Variants in RPH3A observed in about 807,000 individuals in gnomAD.
RPH3A encodes the protein rabphilin 3A.
A neutral mutation model predicts 102.2 loss-of-function variants in RPH3A; 48 were observed. That is an observed-to-expected ratio of 0.47 (90% CI 0.37 to 0.60). The LOEUF is 0.60. RPH3A is among the 20% of genes least tolerant of loss of function. The pLI, the probability that RPH3A is intolerant of heterozygous loss-of-function variation, is 0.00. For missense variants in RPH3A, 781 were observed against 910.1 expected, an observed-to-expected ratio of 0.86 and a Z score of 1.83; for synonymous variants, 310 against 324.3, an observed-to-expected ratio of 0.96 and a Z score of 0.47.
chr12:112,785,831 G>T (rs1427853622), intron 1 of RPH3A, among the ~76,000 whole-genome samples: 2 of 152,134 alleles, frequency 1.3e-5, no homozygotes, highest in African/African-American at 2.4e-5. Context: ...CTCTGCTGTT[G>T]CTGTCCTTTT....
chr12:112,668,114 G>A (rs1235912771), intron 1 of RPH3A, among the ~76,000 whole-genome samples: 1 of 152,224 alleles, frequency 6.6e-6, no homozygotes, highest in Non-Finnish European at 1.5e-5. Flanking sequence ...ATACATTCGT[G>A]TGATTATTTA....
intron 1 of RPH3A, among the ~76,000 whole-genome samples, chr12:112,738,775 C>T (rs1053180239): frequency 2.0e-5 from 3 of 152,162 alleles, no homozygotes; most frequent in African/African-American, 7.2e-5. Context: ...GAACTTGTGC[C>T]CATATCATAC....
In RPH3A at chr12:112,647,605, ATGTGTG is replaced by A. The variant is rs34686040; in HGVS notation, c.-140+72302_-140+72307del. On this transcript the variant is annotated intron_variant, in intron 1 of 21. Transcript: ENST00000543106. Reference sequence around the variant, plus strand: ...GGCTAGAGAGGGTGTGTGTGTGTGTATGTGTGTGTGTGTGTGTGTGTTGCTTTAGGT... The same window carrying A: ...GGCTAGAGAGGGTGTGTGTGTGTGTATGTGTGTGTGTGTGTTGCTTTAGGT... Among the ~76,000 whole-genome samples, 28 of 149,692 alleles carry A rather than the reference ATGTGTG, an allele frequency of 1.9e-4. 1 individual carries two copies. Among genetic ancestry groups the A allele is most frequent in the Admixed American group, 1.3e-3 (20 of 15,020 alleles).
chr12:112,583,507 AG>A (rs113982512), intron 1 of RPH3A, among the ~76,000 whole-genome samples: 16,846 of 152,082 alleles, frequency 0.11, 1,096 homozygotes, highest in South Asian at 0.34. Context: ...ATAGAAGAAA[AG>A]GAGGAGATTG....
intron 10 of RPH3A, among the ~76,000 whole-genome samples, chr12:112,870,829 C>A (rs1006781957): frequency 1.3e-5 from 2 of 152,176 alleles, no homozygotes; most frequent in African/African-American, 4.8e-5. Context: ...CGACAATGAA[C>A]CTATGGTTCA....
chr12:112,592,279 TTAAAA>T (rs1163695399), intron 1 of RPH3A, among the ~76,000 whole-genome samples: 7 of 152,156 alleles, frequency 4.6e-5, no homozygotes, highest in African/African-American at 1.4e-4. Flanking sequence ...TAGATTAAAA[TTAAAA>T]TAAAATAGTT....
At chr12:112,717,443 G>A (rs2136040270) in intron 1 of RPH3A, among the ~76,000 whole-genome samples, 1 of 152,016 alleles carries the variant, frequency 6.6e-6, no homozygotes, top group East Asian at 1.9e-4. Flanking sequence ...TACGGTTTTT[G>A]CCATTACTTT....
At chr12:112,755,296 T>TACACAC (rs1323813333) in intron 1 of RPH3A, among the ~76,000 whole-genome samples, 18 of 95,220 alleles carry the variant, frequency 1.9e-4, no homozygotes, top group African/African-American at 8.4e-4. Flanking sequence ...TATATATGTA[T>TACACAC]ATACACACAC....
At chr12:112,782,682 T>C (rs2041017931) in intron 1 of RPH3A, among the ~76,000 whole-genome samples, 1 of 152,240 alleles carries the variant, frequency 6.6e-6, no homozygotes, top group South Asian at 2.1e-4. Context: ...AGTCATCTTT[T>C]CTATTTCTCC....
chr12:112,710,526 T>C lies in RPH3A; in HGVS notation c.-139-81617T>C, dbSNP rs1300794772. On this transcript the variant is annotated intron_variant, in intron 1 of 21. Coordinates refer to the RPH3A transcript ENST00000543106. ...CCACAGCACTCTGGCCTCTGCCAGT[T>C]CCCTTTCAGGCCCAATCATATTTGT... Among the ~76,000 whole-genome samples, 4 of 152,178 alleles carry C rather than the reference T, an allele frequency of 2.6e-5. No individual in the cohort carries two copies. The East Asian group carries it at 7.7e-4, about 29-fold the overall frequency.
At chr12:112,723,477 C>T (rs1000686904) in intron 1 of RPH3A, among the ~76,000 whole-genome samples, 14 of 152,202 alleles carry the variant, frequency 9.2e-5, no homozygotes, top group Non-Finnish European at 1.8e-4. Flanking sequence ...GCAACTGCAG[C>T]TGCAGACCTC....
intron 1 of RPH3A, among the ~76,000 whole-genome samples, chr12:112,677,870 A>G (rs140686549): frequency 1.6e-4 from 25 of 152,168 alleles, no homozygotes; most frequent in African/African-American, 5.5e-4. Context: ...GTTTTTCTTA[A>G]TCCAGAACCT....
chr12:112,634,789 AT>A (rs2039836702), intron 1 of RPH3A, among the ~76,000 whole-genome samples: 1 of 152,174 alleles, frequency 6.6e-6, no homozygotes, highest in Admixed American at 6.5e-5. Flanking sequence ...TCCAGATGAG[AT>A]CACGAAGAAA....
intron 1 of RPH3A, among the ~76,000 whole-genome samples, chr12:112,726,608 A>C (rs1366267371): frequency 6.6e-6 from 1 of 152,234 alleles, no homozygotes; most frequent in Non-Finnish European, 1.5e-5. Flanking sequence ...TAATTATAAA[A>C]GTTTGGCCAT....
intron 1 of RPH3A, among the ~76,000 whole-genome samples, chr12:112,655,833 A>G (rs1753946215): frequency 6.6e-6 from 1 of 152,012 alleles, no homozygotes; most frequent in African/African-American, 2.4e-5. Flanking sequence ...TCAGCCTTCC[A>G]AAATGCTGGG....
rs1190081200 is a variant in RPH3A at position 112,894,594 on chromosome 12, A to C, written c.1792A>C (p.Met598Leu). 1.7e-5 allele frequency: 28 copies of C among 1,613,880 alleles called. No individual in the cohort carries two copies. The highest frequency in any genetic ancestry group is 2.3e-5 in the Non-Finnish European group (27 of 1,179,974). Reference sequence around the variant, plus strand: ...GCCTCCCAGCTGGCTGAAACCGGACATGGGAAAGAAGGCCAAACACAAGAC... The same window carrying C: ...GCCTCCCAGCTGGCTGAAACCGGACCTGGGAAAGAAGGCCAAACACAAGAC... ...PFVKLWLKPD[M>L]GKKAKHKTQI... Residue 598 changes from methionine to leucine, a missense_variant, in exon 20 of 22, where the codon ATG (methionine) becomes CTG (leucine). Transcript: ENST00000389385.
chr12:112,646,059 T>C (rs1354276958), intron 1 of RPH3A, among the ~76,000 whole-genome samples: 1 of 152,198 alleles, frequency 6.6e-6, no homozygotes, highest in Non-Finnish European at 1.5e-5. Flanking sequence ...AAGAAATGTA[T>C]ACCATTTAGT....
At chr12:112,774,334 A>G (rs374871765) in intron 1 of RPH3A, among the ~76,000 whole-genome samples, 139 of 152,350 alleles carry the variant, frequency 9.1e-4, no homozygotes, top group African/African-American at 3.2e-3. Context: ...TCACTGACAC[A>G]TAATGTATTA....
At chr12:112,877,431 C>CAT (rs2042825944) in intron 13 of RPH3A, among the ~76,000 whole-genome samples, 2 of 151,310 alleles carry the variant, frequency 1.3e-5, no homozygotes, top group South Asian at 4.5e-4. Context: ...CACACACACA[C>CAT]ACACACACAC....
Sources: gnomAD v4.1 joint callset for allele counts (sites outside exome capture counted in the v4.1 genomes callset) on GRCh38, gnomAD v4.1.1 for gene constraint, MANE v1.5 for transcripts, NCBI Gene and HGNC (gene_info 2026-07-23, HGNC 2026-07-21) for gene names.